The following STX8 variants were observed in gnomAD, a reference collection of about 807,000 sequenced individuals.
STX8 encodes the protein syntaxin 8.
Under a neutral mutation model 37.5 loss-of-function variants are expected in STX8, and 23 were observed. The observed-to-expected ratio is 0.61, with a 90% CI of 0.44 to 0.87. STX8 has a LOEUF of 0.87. Ranked by LOEUF, STX8 falls within the 40% of genes least tolerant of loss-of-function variation. The pLI is 0.00. For synonymous variants in STX8, 115 were observed against 99.1 expected (o/e 1.16, Z -0.95); for missense variants, 313 against 284.7 (o/e 1.10, Z -0.71).
chr17:9,327,176 A>AGAAGAAGGAAGAAGAAG (rs1189308647), intron 7 of STX8, among the ~76,000 whole-genome samples: 1 of 150,408 alleles, frequency 6.6e-6, no homozygotes, highest in Non-Finnish European at 1.5e-5. Flanking sequence ...AAAAAGAAGA[A>AGAAGAAGGAAGAAGAAG]GAAGAAGGAA....
At chr17:9,417,457 T>TA (rs988260140) in intron 6 of STX8, among the ~76,000 whole-genome samples, 3 of 152,154 alleles carry the variant, frequency 2.0e-5, no homozygotes, top group African/African-American at 4.8e-5. Flanking sequence ...TGGGGTATAA[T>TA]AAAAAATCTA....
chr17:9,383,598 T>C (rs1432026495), intron 6 of STX8, among the ~76,000 whole-genome samples: 3 of 152,190 alleles, frequency 2.0e-5, no homozygotes, highest in Non-Finnish European at 4.4e-5. Context: ...ACAGCATCTG[T>C]TGAACATTTT....
intron 7 of STX8, among the ~76,000 whole-genome samples, chr17:9,346,317 ATC>A (rs1405884434): frequency 2.0e-5 from 3 of 151,626 alleles, no homozygotes; most frequent in Admixed American, 6.6e-5. Flanking sequence ...CCTCTCTTTC[ATC>A]TCTCTGTCTA....
At chr17:9,292,272 C>G (rs931726995) in intron 7 of STX8, among the ~76,000 whole-genome samples, 2 of 152,188 alleles carry the variant, frequency 1.3e-5, no homozygotes, top group Admixed American at 6.5e-5. Context: ...TCCTGGAAGT[C>G]AGTGTCACGG....
chr17:9,310,351 G>A (rs892555888), intron 7 of STX8, among the ~76,000 whole-genome samples: 10 of 152,154 alleles, frequency 6.6e-5, no homozygotes, highest in African/African-American at 1.4e-4. Flanking sequence ...GGAAATACGC[G>A]AGGAATTGCT....
chr17:9,296,769 A>G (rs1194188204), intron 7 of STX8, among the ~76,000 whole-genome samples: 1 of 152,142 alleles, frequency 6.6e-6, no homozygotes, highest in Non-Finnish European at 1.5e-5. Flanking sequence ...GATTTTAATT[A>G]TACTTAAATG....
chr17:9,480,253 A>G (rs759631888), intron 6 of STX8, among the ~76,000 whole-genome samples: 1 of 152,226 alleles, frequency 6.6e-6, no homozygotes, highest in Non-Finnish European at 1.5e-5. Context: ...AGTGCTTAGC[A>G]CATAATAGGA....
intron 7 of STX8, among the ~76,000 whole-genome samples, chr17:9,364,806 T>C (rs1470030278): frequency 6.6e-6 from 1 of 152,170 alleles, no homozygotes; most frequent in Non-Finnish European, 1.5e-5. Context: ...AGAGCTGAGA[T>C]TACAGGCATG....
At chr17:9,356,812 C>T (rs924619691) in intron 7 of STX8, among the ~76,000 whole-genome samples, 15 of 152,146 alleles carry the variant, frequency 9.9e-5, no homozygotes, top group African/African-American at 3.6e-4. Context: ...CTAGCACTGG[C>T]TGAGCGGCAA....
chr17:9,326,134 T>C (rs895975182), intron 7 of STX8, among the ~76,000 whole-genome samples: 4 of 151,934 alleles, frequency 2.6e-5, no homozygotes, highest in Non-Finnish European at 5.9e-5. Context: ...GTTTCCTTTT[T>C]TTTTTTTTCT....
chr17:9,472,198 T>G (rs2142439835), intron 6 of STX8, among the ~76,000 whole-genome samples: 1 of 152,240 alleles, frequency 6.6e-6, no homozygotes, highest in East Asian at 1.9e-4. Flanking sequence ...AGCCAGAGTG[T>G]CCACTGGTCA....
At chr17:9,416,037 C>A (rs1913179983) in intron 6 of STX8, among the ~76,000 whole-genome samples, 1 of 152,216 alleles carries the variant, frequency 6.6e-6, no homozygotes, top group Non-Finnish European at 1.5e-5. Flanking sequence ...TTGGGCCACT[C>A]CAGGCAGTCA....
chr17:9,511,826 T>C (rs991012003), intron 4 of STX8, among the ~76,000 whole-genome samples: 2 of 152,196 alleles, frequency 1.3e-5, no homozygotes, highest in Non-Finnish European at 2.9e-5. Flanking sequence ...CATGATCTTA[T>C]AGAGAGAAAA....
intron 6 of STX8, among the ~76,000 whole-genome samples, chr17:9,480,616 G>A (rs8079887): frequency 0.025 from 3,770 of 152,184 alleles, 134 homozygotes; most frequent in African/African-American, 0.084. Context: ...AGGGGAGAAG[G>A]ATGACCTCAT....
At chr17:9,456,282 G>C (rs191378680) in intron 6 of STX8, among the ~76,000 whole-genome samples, 23 of 152,318 alleles carry the variant, frequency 1.5e-4, no homozygotes, top group Admixed American at 1.2e-3. Flanking sequence ...CAGATGAAGC[G>C]AGTCTTGTGG....
intron 7 of STX8, among the ~76,000 whole-genome samples, chr17:9,371,957 A>G (rs968109811): frequency 6.6e-6 from 1 of 152,148 alleles, no homozygotes; most frequent in Non-Finnish European, 1.5e-5. Flanking sequence ...GTTTCCGGGT[A>G]TGCTAGAATA....
At chr17:9,442,910 G>T (rs1401411100) in intron 6 of STX8, among the ~76,000 whole-genome samples, 3 of 152,154 alleles carry the variant, frequency 2.0e-5, no homozygotes, top group African/African-American at 7.2e-5. Context: ...TTAGAGAGGG[G>T]AGTCAGTCAG....
rs552235827 is a variant in STX8, at chr17:9,305,108, T to A, written c.644-54463A>T. On this transcript the variant is annotated intron_variant, in intron 7 of 7. Coordinates refer to ENST00000306357, the MANE Select transcript of STX8 (RefSeq NM_004853.3). ...ATTAAATATTATTATTATTATTATT[T>A]TTTGAGATGGAGTCTCGCTCTGTTG... is the stretch of plus-strand genomic sequence containing the variant. Among the ~76,000 whole-genome samples, 7 of 152,090 alleles carry A rather than the reference T, an allele frequency of 4.6e-5. No individual in the cohort carries two copies. In the East Asian group the frequency reaches 5.8e-4, roughly 13 times the overall value.
chr17:9,375,088 A>G (rs1217505333), intron 7 of STX8, among the ~76,000 whole-genome samples: 3 of 147,902 alleles, frequency 2.0e-5, no homozygotes, highest in African/African-American at 7.5e-5. Flanking sequence ...AAAAAAAAAG[A>G]AGAATTTTCT....
Sources: gnomAD v4.1 joint callset for allele counts (sites outside exome capture counted in the v4.1 genomes callset) on GRCh38, gnomAD v4.1.1 for gene constraint, MANE v1.5 for transcripts, NCBI Gene and HGNC (gene_info 2026-07-23, HGNC 2026-07-21) for gene names.